The following TRAP1 variants were observed in gnomAD, a reference collection of about 807,000 sequenced individuals.
TRAP1 encodes the protein TNF receptor associated protein 1.
A neutral mutation model predicts 89.1 loss-of-function variants in TRAP1; 102 were observed. The observed-to-expected ratio is 1.15, with a 90% confidence interval of 0.98 to 1.35. The LOEUF is 1.35. Among genes scored for constraint, TRAP1 ranks in the 40% most tolerant of loss-of-function variants. The pLI is 0.00. For missense variants in TRAP1, 1,256 were observed against 945.3 expected, an observed-to-expected ratio of 1.33 and a Z score of -4.31; for synonymous variants, 508 against 388.0, an observed-to-expected ratio of 1.31 and a Z score of -3.64.
rs911919159 is a variant in TRAP1 at position 3,668,356 on chromosome 16, G to A, written c.1236-2238C>T. Among the ~76,000 whole-genome samples, 25 of 151,948 alleles carry A rather than the reference G, an allele frequency of 1.6e-4. 1 individual carries two copies. Among genetic ancestry groups the A allele is most frequent in the Admixed American group, 6.6e-4 (10 of 15,252 alleles). ...ATTACAGGCGTGAGCCACCGCGCCC[G>A]GCCAACACATAAATATTTTAAGTAA... On this transcript the variant is annotated intron_variant, in intron 11 of 17. Coordinates refer to ENST00000246957, the MANE Select transcript of TRAP1 (RefSeq NM_016292.3).
At position 3,712,817 on chromosome 16, in the gene TRAP1, T is replaced by C. The variant is rs139360396; in HGVS notation, c.88+4604A>G. Among the ~76,000 whole-genome samples the C allele has an allele frequency of 3.8e-3, 578 of 152,316 alleles. 3 individuals carry two copies. The highest frequency in any genetic ancestry group is 0.013 in the African/African-American group (555 of 41,564). ...TTTTAGTAGAGACGGGGTTTCGCCA[T>C]GTTGGCCAGGTTGGTCTCAAATTCC... On this transcript the variant is annotated intron_variant, in intron 1 of 17. Transcript: ENST00000246957.
intron 1 of TRAP1, among the ~76,000 whole-genome samples, chr16:3,702,943 G>T (rs968994236): frequency 1.3e-5 from 2 of 150,154 alleles, no homozygotes; most frequent in Non-Finnish European, 2.9e-5. Flanking sequence ...TTGGGAGGCC[G>T]AGGTAGGAGA....
At chr16:3,658,389 G>C (rs540528113) in intron 17 of TRAP1, 159 bp from the exon 18 acceptor site, 1 of 660,332 alleles carries the variant, frequency 1.5e-6, no homozygotes, top group African/African-American at 1.8e-5. Context: ...CAAAGTGCTG[G>C]GATTACAGGC....
chr16:3,704,857 T>A (rs1418204026), intron 1 of TRAP1, among the ~76,000 whole-genome samples: 1 of 152,124 alleles, frequency 6.6e-6, no homozygotes, highest in Non-Finnish European at 1.5e-5. Context: ...TTATTTTTTT[T>A]TTTTTAATTT....
Position 3,658,302 on chromosome 16 carries a change from A to T in TRAP1, c.2014-72T>A, listed in dbSNP as rs546986993. Reference sequence around the variant, plus strand: ...TTTCATTTTTTTTTTTTTGAGACAGAGTCTCACTGTTGCCGAGGCTGGAGT... The same window carrying T: ...TTTCATTTTTTTTTTTTTGAGACAGTGTCTCACTGTTGCCGAGGCTGGAGT... On this transcript the variant is annotated intron_variant, in intron 17 of 17. Transcript: ENST00000246957. The T allele has an allele frequency of 1.2e-4, 148 of 1,242,666 alleles. 2 individuals carry two copies. The highest frequency in any genetic ancestry group is 9.4e-4 in the Middle Eastern group (5 of 5,304). 77.0% of individuals were successfully genotyped at this position (1,242,666 alleles called of 1,614,324 possible).
At chr16:3,660,034 G>C (rs1183608611) in intron 16 of TRAP1, 2 of 152,146 alleles carry the variant, frequency 1.3e-5, no homozygotes, top group Non-Finnish European at 2.9e-5. Flanking sequence ...ACCTAACAGA[G>C]GAAACACTTC....
chr16:3,684,389 G>C (rs1188521310), intron 4 of TRAP1, among the ~76,000 whole-genome samples: 1 of 152,144 alleles, frequency 6.6e-6, no homozygotes, highest in Non-Finnish European at 1.5e-5. Context: ...CAATGTAGCT[G>C]AGATATCAGT....
intron 2 of TRAP1, 78 bp downstream of exon 2, chr16:3,690,749 C>A: frequency 7.6e-7 from 1 of 1,312,052 alleles, no homozygotes. Flanking sequence ...CAATCACTGC[C>A]TCCACCCTGA....
rs541178087 is a variant in TRAP1 at position 3,716,497 on chromosome 16, A to C, written c.88+924T>G. ...TAAACAAATGACACGTCCATCATAC[A>C]GAATACTGTGTGGTCACTGGAAGGC... On this transcript the variant is annotated intron_variant, in intron 1 of 17. Transcript: ENST00000246957. 2.0e-5 allele frequency among the ~76,000 whole-genome samples: 3 copies of C among 152,364 alleles called. No individual in the cohort carries two copies. The South Asian group carries it at 6.2e-4, about 32-fold the overall frequency.
At chr16:3,665,330 C>A (rs957632522) in intron 12 of TRAP1, 2 of 152,368 alleles carry the variant, frequency 1.3e-5, no homozygotes, top group African/African-American at 4.8e-5. Context: ...ATGAAATGTT[C>A]TGGGGTTACA....
At chr16:3,693,387 TA>T (rs548662972) in intron 1 of TRAP1, among the ~76,000 whole-genome samples, 11,710 of 128,834 alleles carry the variant, frequency 0.091, 422 homozygotes, top group Admixed American at 0.096. Flanking sequence ...TTCGTACAGT[TA>T]AAAAAAAAAA....
intron 1 of TRAP1, among the ~76,000 whole-genome samples, chr16:3,706,501 C>G (rs1297498716): frequency 7.1e-6 from 1 of 140,842 alleles, no homozygotes; most frequent in Non-Finnish European, 1.5e-5. Flanking sequence ...TGCTCTTTGA[C>G]CAGGCTGAAG....
intron 7 of TRAP1, 24 bp from the exon 8 acceptor site, chr16:3,675,421 A>C (rs188121863): frequency 1.2e-6 from 2 of 1,612,436 alleles, no homozygotes; most frequent in Admixed American, 1.7e-5. Flanking sequence ...AAGAAAAACC[A>C]CACTGCATCT....
At chr16:3,674,766 G>A (rs749891334) in intron 8 of TRAP1, 10 of 514,602 alleles carry the variant, frequency 1.9e-5, no homozygotes, top group Non-Finnish European at 3.2e-5. Flanking sequence ...AGAGGATGAC[G>A]CTGCCCAGCA....
chr16:3,661,710 G>T, intron 16 of TRAP1: 1 of 378,778 alleles, frequency 2.6e-6, no homozygotes, highest in Non-Finnish European at 4.7e-6. Context: ...AGCATGTCCA[G>T]GACACGCACA....
intron 1 of TRAP1, among the ~76,000 whole-genome samples, chr16:3,707,292 T>C (rs2051461383): frequency 6.6e-6 from 1 of 150,618 alleles, no homozygotes. Flanking sequence ...TTCACACCAT[T>C]CTCCTGCCTC....
Position 3,716,893 on chromosome 16 carries a change from T to C in TRAP1, c.88+528A>G, listed in dbSNP as rs143447555. ...GCTATAGGTTTTGTTCACTGTGGCGTCCCCAGAACCTGCACGGCGCCGGGC... is the reference window on the plus strand; with the variant it reads ...GCTATAGGTTTTGTTCACTGTGGCGCCCCCAGAACCTGCACGGCGCCGGGC... On this transcript the variant is annotated intron_variant, in intron 1 of 17. Transcript: ENST00000246957. Among the ~76,000 whole-genome samples, 131 of 152,240 alleles carry C rather than the reference T, an allele frequency of 8.6e-4. 1 individual carries two copies. In the Middle Eastern group the frequency reaches 0.01, roughly 12 times the overall value.
In TRAP1 at chr16:3,670,531, A is replaced by G. The variant is rs146122008; in HGVS notation, c.1235+1191T>C. On this transcript the variant is annotated intron_variant, in intron 11 of 17. Transcript: ENST00000246957. ...GCCTGGGCAACATAGTGAGATCCCA[A>G]CTCTACAAAAAAATACAAAAAAATT... Among the ~76,000 whole-genome samples, 1,068 of 151,788 alleles carry G rather than the reference A, an allele frequency of 7.0e-3. 15 individuals are homozygous for G. The highest frequency in any genetic ancestry group is 0.025 in the African/African-American group (1,013 of 41,346).
chr16:3,712,602 A>G (rs141020192), intron 1 of TRAP1, among the ~76,000 whole-genome samples: 26 of 152,184 alleles, frequency 1.7e-4, no homozygotes, highest in African/African-American at 6.0e-4. Context: ...AATCTCTTAC[A>G]TTCGGATTGA....
Sources: gnomAD v4.1 joint callset for allele counts (sites outside exome capture counted in the v4.1 genomes callset) on GRCh38, gnomAD v4.1.1 for gene constraint, MANE v1.5 for transcripts, NCBI Gene and HGNC (gene_info 2026-07-23, HGNC 2026-07-21) for gene names.